DSCAM: variants seen among roughly 807,000 people sequenced by gnomAD.
DSCAM encodes the protein DS cell adhesion molecule, also known as cell adhesion molecule DSCAM.
In DSCAM, 47 loss-of-function variants were observed where a neutral mutation model predicts 217.7. The observed-to-expected ratio is 0.22, with a 90% confidence interval of 0.17 to 0.28. The LOEUF (loss-of-function observed/expected upper bound fraction) is 0.28. Ranked by LOEUF, DSCAM falls within the 10% of genes least tolerant of loss-of-function variation. DSCAM has a pLI of 1.00. For synonymous variants in DSCAM, 1,056 were observed against 1,015.3 expected (o/e 1.04, Z -0.76); for missense variants, 2,080 against 2,618.3 (o/e 0.79, Z 4.49).
chr21:40,809,844 C>T (rs757427928), intron 1 of DSCAM, among the ~76,000 whole-genome samples: 1 of 152,182 alleles, frequency 6.6e-6, no homozygotes. Context: ...GGCCCTTGCA[C>T]GTGACTCACT....
At chr21:40,791,305 C>A (rs553305406) in intron 1 of DSCAM, among the ~76,000 whole-genome samples, 1 of 151,900 alleles carries the variant, frequency 6.6e-6, no homozygotes, top group South Asian at 2.1e-4. Flanking sequence ...GCGTGCAACA[C>A]TGACAATATC....
chr21:40,287,137 TGCAGCATGATCC>T (rs1393723669), intron 10 of DSCAM, among the ~76,000 whole-genome samples: 114 of 151,976 alleles, frequency 7.5e-4, no homozygotes, highest in African/African-American at 2.7e-3. Context: ...CAGCATGATC[TGCAGCATGATCC>T]ACAGTGTGAT....
At chr21:40,508,761 ATATATATATATATATATATATATTTTTT>A (rs1434117879) in intron 3 of DSCAM, among the ~76,000 whole-genome samples, 17 of 5,244 alleles carry the variant, frequency 3.2e-3, no homozygotes, top group African/African-American at 9.4e-3. Context: ...ATATATATAT[ATATATATATATATATATATATATTTTTT>A]TTTTTTTTTT....
rs140671803 is a variant in DSCAM, at chr21:40,752,984, C to T, written c.44-44213G>A. 7.0e-3 allele frequency among the ~76,000 whole-genome samples: 1,058 copies of T among 150,554 alleles called. 8 individuals carry two copies. Among genetic ancestry groups the T allele is most frequent in the Non-Finnish European group, 0.011 (743 of 67,466 alleles). On this transcript the variant is annotated intron_variant, in intron 1 of 32. Transcript: ENST00000400454. The stretch of plus-strand genomic sequence containing the variant: ...AATATGGACTTACATGGCTAACACC[C>T]TGTCACGTGGCCTGCACCTGAATCT...
intron 9 of DSCAM, among the ~76,000 whole-genome samples, chr21:40,296,705 C>A (rs1190192199): frequency 6.6e-6 from 1 of 151,836 alleles, no homozygotes; most frequent in African/African-American, 2.4e-5. Context: ...GTGGCGCATG[C>A]CTGTAATCCT....
intron 3 of DSCAM, among the ~76,000 whole-genome samples, chr21:40,522,280 A>G (rs1301156984): frequency 2.0e-5 from 3 of 152,222 alleles, no homozygotes; most frequent in Non-Finnish European, 4.4e-5. Flanking sequence ...CTAAGCAAAC[A>G]AAGCCCATTT....
intron 2 of DSCAM, among the ~76,000 whole-genome samples, chr21:40,707,735 A>C (rs1214317223): frequency 6.6e-6 from 1 of 152,226 alleles, no homozygotes; most frequent in Non-Finnish European, 1.5e-5. Flanking sequence ...ACAGGAGTCT[A>C]GCTGTGAGTT....
At chr21:40,432,374 A>G (rs899949269) in intron 3 of DSCAM, among the ~76,000 whole-genome samples, 1 of 152,024 alleles carries the variant, frequency 6.6e-6, no homozygotes, top group African/African-American at 2.4e-5. Context: ...GCTCCTGGCC[A>G]TCACTCAGAT....
chr21:40,772,986 G>A (rs1379442757), intron 1 of DSCAM, among the ~76,000 whole-genome samples: 1 of 152,222 alleles, frequency 6.6e-6, no homozygotes, highest in Non-Finnish European at 1.5e-5. Flanking sequence ...GGCTGACCTA[G>A]GGGTCAAAGC....
At chr21:40,785,011 T>C (rs1157071160) in intron 1 of DSCAM, among the ~76,000 whole-genome samples, 1 of 152,222 alleles carries the variant, frequency 6.6e-6, no homozygotes, top group Non-Finnish European at 1.5e-5. Flanking sequence ...GTCTTCTAAT[T>C]CATAAAGTCT....
intron 1 of DSCAM, among the ~76,000 whole-genome samples, chr21:40,810,526 C>G (rs118140304): frequency 6.6e-6 from 1 of 152,148 alleles, no homozygotes; most frequent in Non-Finnish European, 1.5e-5. Flanking sequence ...GGTTTGGATC[C>G]TGGCCCCATC....
chr21:40,214,035 T>G (rs1340634431), intron 11 of DSCAM, among the ~76,000 whole-genome samples: 1 of 152,192 alleles, frequency 6.6e-6, no homozygotes, highest in Non-Finnish European at 1.5e-5. Flanking sequence ...GAGCTTCCTT[T>G]CCTAGACAGA....
chr21:40,691,187 A>G (rs1253548055), intron 3 of DSCAM, among the ~76,000 whole-genome samples: 1 of 152,254 alleles, frequency 6.6e-6, no homozygotes, highest in South Asian at 2.1e-4. Context: ...AGGCATGGCC[A>G]TGAGACTTGC....
chr21:40,563,156 C>T (rs77485331), intron 3 of DSCAM, among the ~76,000 whole-genome samples: 12,666 of 152,000 alleles, frequency 0.083, 630 homozygotes, highest in Admixed American at 0.13. Context: ...TTCTTGCACA[C>T]TGAAACCACT....
intron 16 of DSCAM, among the ~76,000 whole-genome samples, chr21:40,154,995 G>A (rs1004774362): frequency 6.6e-6 from 1 of 152,218 alleles, no homozygotes; most frequent in African/African-American, 2.4e-5. Flanking sequence ...ACATGGAATT[G>A]AGGTTAACTA....
At chr21:40,369,385 C>CGTGTGT (rs35564463) in intron 3 of DSCAM, 140 bp from the exon 4 acceptor site, 69,541 of 384,550 alleles carry the variant, frequency 0.18, 5,615 homozygotes, top group East Asian at 0.23. Flanking sequence ...CGTGCGTCTG[C>CGTGTGT]GTGTGTGTGT....
chr21:40,485,255 T>A (rs2076016050), intron 3 of DSCAM, among the ~76,000 whole-genome samples: 1 of 149,474 alleles, frequency 6.7e-6, no homozygotes, highest in South Asian at 2.1e-4. Context: ...TTTTTTTTTT[T>A]TTTGAGACGG....
At chr21:40,040,995 G>A (rs149362544) in intron 32 of DSCAM, among the ~76,000 whole-genome samples, 214 of 152,246 alleles carry the variant, frequency 1.4e-3, no homozygotes, top group African/African-American at 4.8e-3. Context: ...TAAGGAGGTA[G>A]ACAGAATGAA....
chr21:40,057,961 C>T (rs556533703), intron 28 of DSCAM, among the ~76,000 whole-genome samples: 3 of 149,732 alleles, frequency 2.0e-5, no homozygotes, highest in Non-Finnish European at 4.4e-5. Context: ...CTGCAAGCTC[C>T]GCCTCCCAGG....
Sources: gnomAD v4.1 joint callset for allele counts (sites outside exome capture counted in the v4.1 genomes callset) on GRCh38, gnomAD v4.1.1 for gene constraint, MANE v1.5 for transcripts, NCBI Gene and HGNC (gene_info 2026-07-23, HGNC 2026-07-21) for gene names.